The following ABCA8 variants were observed in gnomAD, a reference collection of about 807,000 sequenced individuals.
ABCA8 encodes the protein ATP binding cassette subfamily A member 8.
Under a neutral mutation model 192.3 loss-of-function variants are expected in ABCA8, and 177 were observed. The observed-to-expected ratio is 0.92, with a 90% confidence interval of 0.81 to 1.04. ABCA8 has a LOEUF of 1.04. Ranked by LOEUF, ABCA8 falls within the 50% of genes least tolerant of loss-of-function variation. The pLI, the probability that ABCA8 is intolerant of heterozygous loss-of-function variation, is 0.00. For synonymous variants in ABCA8, 642 were observed against 690.2 expected (o/e 0.93, Z 1.09); for missense variants, 1,915 against 1,904.8 (o/e 1.01, Z -0.10).
chr17:68,894,163 A>G lies in ABCA8; in HGVS notation c.3036+10T>C, dbSNP rs372864427. On this transcript the variant is annotated intron_variant, in intron 23 of 39. Transcript: ENST00000586539. ...GGAGAGTCAGGAATTGTAAGATTAT[A>G]TATATTTACCTCCAAAAATGTACTT... is the stretch of plus-strand genomic sequence containing the variant. 44 of 1,612,190 alleles carry G rather than the reference A, an allele frequency of 2.7e-5. No individual in the cohort carries two copies. In the African/African-American group the frequency reaches 4.7e-4, roughly 17 times the overall value.
chr17:68,925,017 C>A (rs746078839), intron 10 of ABCA8, 148 bp from the exon 11 acceptor site: 1 of 642,162 alleles, frequency 1.6e-6, no homozygotes, highest in Non-Finnish European at 2.5e-6. Context: ...ACACATGTAG[C>A]TTCATAAGGA....
At chr17:68,903,148 T>C (rs1202721514) in intron 20 of ABCA8, among the ~76,000 whole-genome samples, 153 bp downstream of exon 20, 1 of 152,226 alleles carries the variant, frequency 6.6e-6, no homozygotes, top group Admixed American at 6.5e-5. Context: ...GTCAAGATTC[T>C]GCCTCTCTCC....
chr17:68,937,196 C>T (rs1456943899), intron 4 of ABCA8, 81 bp from the exon 5 acceptor site: 1 of 1,162,136 alleles, frequency 8.6e-7, no homozygotes, highest in Non-Finnish European at 1.2e-6. Context: ...ATTGCTTTTA[C>T]TAGAGTTTTC....
intron 33 of ABCA8, 84 bp downstream of exon 33, chr17:68,877,435 T>C: frequency 7.5e-7 from 1 of 1,329,004 alleles, no homozygotes; most frequent in Non-Finnish European, 1.0e-6. Flanking sequence ...GAGTCTCCCA[T>C]CCTGAATTTC....
intron 20 of ABCA8, 111 bp from the exon 21 acceptor site, chr17:68,902,990 T>A (rs914437753): frequency 3.2e-6 from 3 of 945,366 alleles, no homozygotes; most frequent in Non-Finnish European, 4.7e-6. Context: ...TAAACACAAT[T>A]AACTGTCACA....
At chr17:68,872,202 C>T (rs1409258147) in intron 37 of ABCA8, among the ~76,000 whole-genome samples, 1 of 151,768 alleles carries the variant, frequency 6.6e-6, no homozygotes, top group African/African-American at 2.4e-5. Context: ...CAATGATAGA[C>T]TGGATTAAGA....
chr17:68,920,617 G>T (rs1364803292), intron 13 of ABCA8, among the ~76,000 whole-genome samples: 2 of 152,128 alleles, frequency 1.3e-5, no homozygotes, highest in East Asian at 3.8e-4. Flanking sequence ...AGGTATGTGT[G>T]TTTGTGATTA....
Position 68,911,769 on chromosome 17 carries a change from A to ACACG in ABCA8, c.2139-3891_2139-3890insCGTG, listed in dbSNP as rs2143558068. On this transcript the variant is annotated intron_variant, in intron 17 of 39. Transcript: ENST00000586539. The surrounding 1 kb of genome is among the most constrained non-coding windows in gnomAD (Gnocchi z 5.7). ...CACACACACACACACACACACACAC[A>ACACG]CTCCATTTGGAGAAAGATAAGGGAA... 6.8e-6 allele frequency among the ~76,000 whole-genome samples: 1 copy of ACACG among 147,684 alleles called. No individual in the cohort carries two copies. The highest frequency in any genetic ancestry group is 2.2e-4 in the South Asian group (1 of 4,644).
intron 32 of ABCA8, chr17:68,879,498 C>T (rs2066281186): frequency 6.6e-6 from 1 of 152,188 alleles, no homozygotes; most frequent in Non-Finnish European, 1.5e-5. Flanking sequence ...ATGCTGGCTG[C>T]AGCAAGGGAG....
In ABCA8 at chr17:68,885,077, G is replaced by A. The variant is rs114449881; in HGVS notation, c.3549+119C>T. The A allele has an allele frequency of 1.4e-4, 169 of 1,234,722 alleles. No homozygotes were observed. In the African/African-American group the frequency reaches 2.3e-3, roughly 17 times the overall value. 76.5% of individuals were successfully genotyped at this position (1,234,722 alleles called of 1,614,324 possible). ...GAGAAAATCAATTGGATTCCGTCAG[G>A]CAGAAATCTTTGAACCCCATGCACT... On this transcript the variant is annotated intron_variant, in intron 27 of 39. Transcript: ENST00000586539.
At position 68,876,505 on chromosome 17, in the gene ABCA8, T is replaced by A; in HGVS notation, c.4325A>T (p.Asp1442Val). ...GGGGTCCATCCCGGTCGACGGCTCATCCAGAAGCACCACTGACGGGTTCCC... is the reference window on the plus strand; with the variant it reads ...GGGGTCCATCCCGGTCGACGGCTCAACCAGAAGCACCACTGACGGGTTCCC... ...ILGNPSVVLLDEPSTGMDPEG... is the reference protein window; with the variant it reads ...ILGNPSVVLLVEPSTGMDPEG... Residue 1442 changes from aspartate to valine, a missense_variant, in exon 35 of 40, where the codon GAT (aspartate) becomes GTT (valine). Transcript: ENST00000586539. 6.2e-7 allele frequency: 1 copy of A among 1,613,976 alleles called. No homozygotes were observed. The highest frequency in any genetic ancestry group is 8.5e-7 in the Non-Finnish European group (1 of 1,179,944).
rs953513455 is a variant in ABCA8, at chr17:68,949,424, C to T, written c.-118G>A. The T allele has an allele frequency of 6.6e-6, 1 of 152,172 alleles. No homozygotes were observed. The highest frequency in any genetic ancestry group is 2.1e-4 in the South Asian group (1 of 4,830). The allele number at this position is 152,172 out of a possible 1,614,324, so 9.4% of individuals were successfully genotyped here. A position where few individuals can be genotyped will look rare whatever the true frequency, so the allele number is the denominator to read the frequency against. ...ATTCCAAACAGTCGAAAAAGAGGGA[C>T]TCCTCTCTAACTCACATTATGAGGC... On this transcript the variant is annotated 5_prime_UTR_variant, in exon 2 of 40. Coordinates refer to ENST00000586539, the MANE Select transcript of ABCA8 (RefSeq NM_001288985.2).
At chr17:68,931,814 A>G (rs1438080815) in intron 7 of ABCA8, 1 of 110,614 alleles carries the variant, frequency 9.0e-6, no homozygotes, top group African/African-American at 3.3e-5. Context: ...ATTTCTCCCC[A>G]CTGAAATTAA....
intron 13 of ABCA8, 33 bp from the exon 14 acceptor site, chr17:68,919,509 G>A: frequency 6.5e-7 from 1 of 1,541,734 alleles, no homozygotes; most frequent in East Asian, 2.3e-5. Flanking sequence ...ATCAAGATAA[G>A]GCTTAAGATA....
At chr17:68,930,335 G>A (rs1406021516) in intron 7 of ABCA8, among the ~76,000 whole-genome samples, 1 of 152,136 alleles carries the variant, frequency 6.6e-6, no homozygotes, top group Non-Finnish European at 1.5e-5. Flanking sequence ...TTCTCTGGAT[G>A]TGTTCACTGA....
intron 2 of ABCA8, among the ~76,000 whole-genome samples, chr17:68,944,096 T>A (rs770779255): frequency 4.7e-5 from 7 of 149,352 alleles, no homozygotes; most frequent in African/African-American, 1.7e-4. Flanking sequence ...TAAGTGGGAG[T>A]TGAACAAGGA....
rs890161897 is a variant in ABCA8 at position 68,894,991 on chromosome 17, T to C, written c.2787A>G (p.Ile929Met). The C allele has an allele frequency of 3.1e-6, 5 of 1,610,586 alleles. No individual in the cohort carries two copies. Among genetic ancestry groups the C allele is most frequent in the African/African-American group, 2.7e-5 (2 of 74,790 alleles). The change falls in exon 22 of 40, where the codon ATA (isoleucine) becomes ATG (methionine). Residue 929 changes from isoleucine (I) to methionine (M), a missense_variant. Transcript: ENST00000586539. ...NKTGASIDDFIQSVEHQNIAL... is the reference protein window; with the variant it reads ...NKTGASIDDFMQSVEHQNIAL... The stretch of plus-strand genomic sequence containing the variant: ...CTATGTTCTGGTGCTCCACAGACTG[T>C]ATAAAGTCATCAATGCTTGCCCCTA...
rs964865064 is a variant in ABCA8 at position 68,947,835 on chromosome 17, G to A, written c.-6+1477C>T. On this transcript the variant is annotated intron_variant, in intron 2 of 39. Transcript: ENST00000586539. ...GGTGGTTTGCTGCACCTATCAACCC[G>A]TCATCTAGGTTTTAAGCCCCGCACG... Among the ~76,000 whole-genome samples, 8 of 152,066 alleles carry A rather than the reference G, an allele frequency of 5.3e-5. No homozygotes were observed. In the East Asian group the frequency reaches 1.4e-3, roughly 26 times the overall value.
In ABCA8 at chr17:68,933,195, T is replaced by C. The variant is rs1485691380; in HGVS notation, c.543A>G (p.Gln181=). ...VFWKEGFVAL[Q]AAINAAIIEI... ...CTATAATAGCAGCATTAATGGCAGC[T>C]TGAAGAGCCACAAAACCTTCCTTCC... Residue 181 remains glutamine, a synonymous_variant, in exon 6 of 40, where the codon CAA becomes CAG. Transcript: ENST00000586539. The C allele has an allele frequency of 6.2e-7, 1 of 1,612,842 alleles. No homozygotes were observed. The highest frequency in any genetic ancestry group is 8.5e-7 in the Non-Finnish European group (1 of 1,179,324).
Sources: allele counts gnomAD v4.1 joint callset (sites outside exome capture counted in the v4.1 genomes callset), GRCh38; gene constraint gnomAD v4.1.1; non-coding constraint Gnocchi (gnomAD v3.1); transcripts MANE v1.5; gene names NCBI Gene and HGNC (gene_info 2026-07-23, HGNC 2026-07-21).